The following UBE2O variants were observed in gnomAD, a reference collection of about 807,000 sequenced individuals.
UBE2O encodes ubiquitin conjugating enzyme E2 O, also known as (E3-independent) E2 ubiquitin-conjugating enzyme.
Under a neutral mutation model 125.8 loss-of-function variants are expected in UBE2O, and 15 were observed. The ratio of observed to expected loss-of-function variants is 0.12; its 90% confidence interval spans 0.08 to 0.18. The LOEUF (loss-of-function observed/expected upper bound fraction) is 0.18. Among genes scored for constraint, UBE2O ranks in the 10% least tolerant of loss-of-function variants. UBE2O has a pLI of 1.00. For synonymous variants in UBE2O, 708 were observed against 703.2 expected, an observed-to-expected ratio of 1.01 and a Z score of -0.11; for missense variants, 1,280 against 1,723.6, an observed-to-expected ratio of 0.74 and a Z score of 4.56.
rs761480042 is a variant in UBE2O at position 76,398,239 on chromosome 17, G to A, written c.2025+16C>T. The A allele has an allele frequency of 6.2e-7, 1 of 1,614,094 alleles. No individual in the cohort carries two copies. Among genetic ancestry groups the A allele is most frequent in the Non-Finnish European group, 8.5e-7 (1 of 1,179,996 alleles). On this transcript the variant is annotated intron_variant, in intron 12 of 17. Transcript: ENST00000319380. This position sits in a 1 kb window ranked among gnomAD's most constrained non-coding sequence, Gnocchi z 5.4. ...GGCAGTGAGCAGCCATCCAGAACTTGAATTTGAAGGCGTACCTCATCCTCC... is the reference window on the plus strand; with the variant it reads ...GGCAGTGAGCAGCCATCCAGAACTTAAATTTGAAGGCGTACCTCATCCTCC...
chr17:76,399,351 AGG>A lies in UBE2O; in HGVS notation c.1628+96_1628+97del. 1.7e-6 allele frequency: 2 copies of A among 1,198,372 alleles called. No homozygotes were observed. The highest frequency in any genetic ancestry group is 1.9e-5 in the Admixed American group (1 of 51,722). The allele number at this position is 1,198,372 out of a possible 1,614,324, so 74.2% of individuals were successfully genotyped here. On this transcript the variant is annotated intron_variant, in intron 9 of 17. Transcript: ENST00000319380. This position sits in a 1 kb window ranked among gnomAD's most constrained non-coding sequence, Gnocchi z 6.9. ...CCCGGAGCCACTACAAGGCATGCAG[AGG>A]TGTGTGTGCGAGCGCAGGCACGCAC...
chr17:76,403,844 A>T (rs914375965), intron 3 of UBE2O, among the ~76,000 whole-genome samples: 23 of 152,202 alleles, frequency 1.5e-4, no homozygotes, highest in African/African-American at 5.1e-4. Flanking sequence ...GAAAGTTCTT[A>T]AAAAACCAAC....
Position 76,402,532 on chromosome 17 carries a change from C to T in UBE2O, c.686+70G>A. 7.5e-7 allele frequency: 1 copy of T among 1,341,594 alleles called. No homozygotes were observed. Among genetic ancestry groups the T allele is most frequent in the Non-Finnish European group, 1.1e-6 (1 of 933,300 alleles). 83.1% of individuals were successfully genotyped at this position (1,341,594 alleles called of 1,614,324 possible). Reference sequence around the variant, plus strand: ...TCATCACTGTCCCCAGGAGGAAACACCCTCCTCCTCCCCTCTTTCCAAGAG... The same window carrying T: ...TCATCACTGTCCCCAGGAGGAAACATCCTCCTCCTCCCCTCTTTCCAAGAG... On this transcript the variant is annotated intron_variant, in intron 4 of 17. Transcript: ENST00000319380. This position sits in a 1 kb window ranked among gnomAD's most constrained non-coding sequence, Gnocchi z 5.4.
Position 76,399,371 on chromosome 17 carries a change from G to T in UBE2O, c.1628+78C>A. 7.2e-7 allele frequency: 1 copy of T among 1,395,554 alleles called. No individual in the cohort carries two copies. Among genetic ancestry groups the T allele is most frequent in the Non-Finnish European group, 1.0e-6 (1 of 1,001,422 alleles). 86.4% of individuals were successfully genotyped at this position (1,395,554 alleles called of 1,614,324 possible). ...TGCAGAGGTGTGTGTGCGAGCGCAG[G>T]CACGCACACCGAGGGGACGCGCACT... is the stretch of plus-strand genomic sequence containing the variant. On this transcript the variant is annotated intron_variant, in intron 9 of 17. Coordinates refer to ENST00000319380, the MANE Select transcript of UBE2O (RefSeq NM_022066.4). The surrounding 1 kb of genome is among the most constrained non-coding windows in gnomAD (Gnocchi z 6.9).
In UBE2O at chr17:76,429,013, T is replaced by A. The variant is rs949944335; in HGVS notation, c.418-23441A>T. Among the ~76,000 whole-genome samples, 86 of 151,784 alleles carry A rather than the reference T, an allele frequency of 5.7e-4. 1 individual carries two copies. Among genetic ancestry groups the A allele is most frequent in the Admixed American group, 5.3e-3 (81 of 15,260 alleles). ...GCCTCCTGGGTTCAAGCAATTCTCCTGCCTCAGCCTCCCGAGTAGCTGGGA... is the reference window on the plus strand; with the variant it reads ...GCCTCCTGGGTTCAAGCAATTCTCCAGCCTCAGCCTCCCGAGTAGCTGGGA... On this transcript the variant is annotated intron_variant, in intron 1 of 17. Coordinates refer to ENST00000319380, the MANE Select transcript of UBE2O (RefSeq NM_022066.4).
At chr17:76,444,813 C>A (rs2073128071) in intron 1 of UBE2O, among the ~76,000 whole-genome samples, 1 of 152,180 alleles carries the variant, frequency 6.6e-6, no homozygotes, top group Admixed American at 6.5e-5. Context: ...CCCTCAGAAT[C>A]CCTTAAATAA....
intron 5 of UBE2O, 181 bp downstream of exon 5, chr17:76,401,873 CAAAAAAAAAA>C: frequency 6.8e-6 from 1 of 146,140 alleles, no homozygotes. Context: ...GACTCTGTCT[CAAAAAAAAAA>C]AAAAAAAAAA....
intron 1 of UBE2O, among the ~76,000 whole-genome samples, chr17:76,444,018 C>T (rs1196596776): frequency 2.6e-5 from 4 of 152,198 alleles, no homozygotes; most frequent in South Asian, 4.2e-4. Flanking sequence ...GTCAAGAGTT[C>T]GAGACCAGCC....
intron 1 of UBE2O, among the ~76,000 whole-genome samples, chr17:76,444,448 C>A (rs2073123856): frequency 6.6e-6 from 1 of 152,026 alleles, no homozygotes; most frequent in Non-Finnish European, 1.5e-5. Context: ...GAGGTGGGAG[C>A]ACTGCTTGAG....
Position 76,405,218 on chromosome 17 carries a change from C to T in UBE2O, c.576G>A (p.Leu192=), listed in dbSNP as rs1271205793. 6.2e-7 allele frequency: 1 copy of T among 1,610,790 alleles called. No individual in the cohort carries two copies. The highest frequency in any genetic ancestry group is 8.5e-7 in the Non-Finnish European group (1 of 1,178,004). ...AGGGCCGGCTCACCCAGATGTGCTG[C>T]AGGTCCTTGCTGTTGACGGGATAGA... ...CIIYPVNSKD[L]QHIWPFMYGD... is the part of the protein sequence containing the mutation. The change falls in exon 3 of 18, where the codon CTG becomes CTA. Residue 192 remains leucine (L), a synonymous_variant. Transcript: ENST00000319380. The surrounding 1 kb of genome is among the most constrained non-coding windows in gnomAD (Gnocchi z 6.1).
chr17:76,390,521 C>G lies in UBE2O; in HGVS notation c.*422G>C, dbSNP rs1250017243. On this transcript the variant is annotated 3_prime_UTR_variant, in exon 18 of 18. Transcript: ENST00000319380. ...TTGAACTAAACAGGTTGAAAGGGAC[C>G]AGGGGAATTGTTGGCGCAACCCACA... 6.1e-6 allele frequency: 1 copy of G among 164,946 alleles called. No homozygotes were observed. Among genetic ancestry groups the G allele is most frequent in the African/African-American group, 2.4e-5 (1 of 41,604 alleles). 10.2% of individuals were successfully genotyped at this position (164,946 alleles called of 1,614,324 possible).
At chr17:76,415,648 T>C (rs1275242542) in intron 1 of UBE2O, among the ~76,000 whole-genome samples, 1 of 152,064 alleles carries the variant, frequency 6.6e-6, no homozygotes, top group East Asian at 1.9e-4. Context: ...CTACTAAAAA[T>C]ACAAAAATCA....
Position 76,398,894 on chromosome 17 carries a change from C to A in UBE2O, c.1726G>T (p.Val576Leu). The stretch of plus-strand genomic sequence containing the variant: ...AACTCGTTGTTGTCCAGGTGGTGCA[C>A]AGGGAAGAGGTCGTTGGAGCGGATG... ...CNIRSNDLFP[V>L]HHLDNNEFCP... The change falls in exon 10 of 18, where the codon GTG becomes TTG. Residue 576 changes from valine (V) to leucine (L), a missense_variant. Physicochemically the swap from Val to Leu is conservative, Grantham distance 32 (BLOSUM62 1). This residue lies in a region of UBE2O where 145 missense variants were observed against 219.6 expected (regional missense o/e 0.66). Coordinates refer to ENST00000319380, the MANE Select transcript of UBE2O (RefSeq NM_022066.4). The surrounding 1 kb of genome is among the most constrained non-coding windows in gnomAD (Gnocchi z 5.4). 10 of 1,614,184 alleles carry A rather than the reference C, an allele frequency of 6.2e-6. No individual in the cohort carries two copies. The highest frequency in any genetic ancestry group is 8.5e-6 in the Non-Finnish European group (10 of 1,180,026).
In UBE2O at chr17:76,416,242, GTGTATATGTA is replaced by G. The variant is rs545947555; in HGVS notation, c.418-10680_418-10671del. Among the ~76,000 whole-genome samples, 785 of 152,068 alleles carry G rather than the reference GTGTATATGTA, an allele frequency of 5.2e-3. 3 individuals carry two copies. Among genetic ancestry groups the G allele is most frequent in the Non-Finnish European group, 8.9e-3 (604 of 67,984 alleles). On this transcript the variant is annotated intron_variant, in intron 1 of 17. Transcript: ENST00000319380. ...TGTATATGTATATGTGTATATATGT[GTGTATATGTA>G]TGTATATGTATATATATAAAGCATG...
intron 1 of UBE2O, among the ~76,000 whole-genome samples, chr17:76,429,791 G>A (rs553009309): frequency 1.3e-5 from 2 of 152,276 alleles, no homozygotes; most frequent in South Asian, 4.1e-4. Context: ...GCAGGCAGGG[G>A]CATGGCTGGG....
chr17:76,423,449 T>G (rs1292042720), intron 1 of UBE2O, among the ~76,000 whole-genome samples: 2 of 151,524 alleles, frequency 1.3e-5, no homozygotes, highest in Admixed American at 1.3e-4. Context: ...ATCCCAGCAC[T>G]TCGGGAGGCC....
chr17:76,451,314 A>G (rs945417619), intron 1 of UBE2O, among the ~76,000 whole-genome samples: 5 of 152,224 alleles, frequency 3.3e-5, no homozygotes, highest in African/African-American at 1.2e-4. Flanking sequence ...CTGTTGCACA[A>G]AAGTAATATT....
At chr17:76,401,776 T>C in intron 5 of UBE2O, 1 of 239,592 alleles carries the variant, frequency 4.2e-6, no homozygotes, top group Non-Finnish European at 7.9e-6. Context: ...CTCGGGAGGC[T>C]GAGGCCAAAG....
chr17:76,445,162 T>C (rs1009598125), intron 1 of UBE2O, among the ~76,000 whole-genome samples: 1 of 152,044 alleles, frequency 6.6e-6, no homozygotes, highest in Non-Finnish European at 1.5e-5. Flanking sequence ...CTGCAGGAAA[T>C]CTCTCTGTCA....
Sources: gnomAD v4.1 joint callset for allele counts (sites outside exome capture counted in the v4.1 genomes callset) on GRCh38, gnomAD v4.1.1 for gene constraint, gnomAD v4.1.1 regional missense constraint, Gnocchi (gnomAD v3.1) non-coding constraint, MANE v1.5 for transcripts, NCBI Gene and HGNC (gene_info 2026-07-23, HGNC 2026-07-21) for gene names.